The following SORL1 variants were observed in gnomAD, a reference collection of about 807,000 sequenced individuals.
The protein encoded by SORL1 is sortilin-related receptor.
Under a neutral mutation model 273.7 loss-of-function variants are expected in SORL1, and 127 were observed. The ratio of observed to expected loss-of-function variants is 0.46; its 90% CI spans 0.40 to 0.54. The LOEUF (loss-of-function observed/expected upper bound fraction) is 0.54. Ranked by LOEUF, SORL1 falls within the 20% of genes least tolerant of loss-of-function variation. The pLI is 0.00. For missense variants in SORL1, 2,494 were observed against 2,846.1 expected (o/e 0.88, Z 2.81); for synonymous variants, 1,031 against 1,067.4 (o/e 0.97, Z 0.66).
Position 121,620,987 on chromosome 11 carries a change from T to C in SORL1, c.5890-77T>C. ...GGGTCCCAGCTATTAATATACTACA[T>C]TGTCCACCATTGAACTACAAAGAGT... On this transcript the variant is annotated intron_variant, in intron 43 of 47. Transcript: ENST00000260197. 4.7e-6 allele frequency: 5 copies of C among 1,057,846 alleles called. No homozygotes were observed. The Admixed American group carries it at 8.6e-5, about 18-fold the overall frequency. 65.5% of individuals were successfully genotyped at this position (1,057,846 alleles called of 1,614,324 possible). A position where few individuals can be genotyped will look rare whatever the true frequency, so the allele number is the denominator to read the frequency against.
chr11:121,628,354 C>G (rs542261709), intron 47 of SORL1, among the ~76,000 whole-genome samples: 1 of 152,266 alleles, frequency 6.6e-6, no homozygotes, highest in South Asian at 2.1e-4. Flanking sequence ...TGAGACTGTT[C>G]CACCTCAGAT....
chr11:121,629,741 A>G lies in SORL1; in HGVS notation c.*178A>G, dbSNP rs1188165489. ...GAATGAATAAACTTTGTAGTAATCA[A>G]CTGTGAACTTCAAACCAGGTTGATT... is the stretch of plus-strand genomic sequence containing the variant. On this transcript the variant is annotated 3_prime_UTR_variant, in exon 48 of 48. Transcript: ENST00000260197. The G allele has an allele frequency of 1.4e-5, 8 of 580,334 alleles. No individual in the cohort carries two copies. The highest frequency in any genetic ancestry group is 2.1e-5 in the Non-Finnish European group (7 of 329,198). The allele number at this position is 580,334 out of a possible 1,614,324, so 35.9% of individuals were successfully genotyped here.
At chr11:121,588,920 C>G (rs1863164001) in intron 28 of SORL1, among the ~76,000 whole-genome samples, 1 of 152,150 alleles carries the variant, frequency 6.6e-6, no homozygotes, top group Non-Finnish European at 1.5e-5. Flanking sequence ...TAGATTCGGG[C>G]CACCCAGATC....
At chr11:121,562,187 G>T (rs917057553) in intron 21 of SORL1, among the ~76,000 whole-genome samples, 1 of 152,150 alleles carries the variant, frequency 6.6e-6, no homozygotes, top group Non-Finnish European at 1.5e-5. Context: ...CCTCCATCAA[G>T]CAAGGGCCTG....
In SORL1 at chr11:121,520,853, T is replaced by C. The variant is rs1342296562; in HGVS notation, c.1404+4T>C. ...TGGAGAGAAAATCAATTGTGAGGTA[T>C]TGATGCTTTAATCTTCTTTTGCTTT... On this transcript the variant is annotated splice_donor_region_variant and intron_variant, in intron 9 of 47. Transcript: ENST00000260197. 6.3e-7 allele frequency: 1 copy of C among 1,578,078 alleles called. No homozygotes were observed.
intron 1 of SORL1, among the ~76,000 whole-genome samples, chr11:121,462,032 C>T (rs547641064): frequency 6.6e-6 from 1 of 152,216 alleles, no homozygotes; most frequent in South Asian, 2.1e-4. Flanking sequence ...TATCTTGAAG[C>T]TTGAAAAGGT....
At position 121,629,954 on chromosome 11, in the gene SORL1, A is replaced by C. The variant is rs1326066560; in HGVS notation, c.*391A>C. The C allele has an allele frequency of 4.8e-6, 1 of 210,376 alleles. No homozygotes were observed. Among genetic ancestry groups the C allele is most frequent in the Non-Finnish European group, 9.7e-6 (1 of 103,112 alleles). 13.0% of individuals were successfully genotyped at this position (210,376 alleles called of 1,614,324 possible). On this transcript the variant is annotated 3_prime_UTR_variant, in exon 48 of 48. Transcript: ENST00000260197. Reference sequence around the variant, plus strand: ...GATGGGTGGAACCCCTTCTCCTTGAAAGTGTGTACAGATATTCCATTTTGT... The same window carrying C: ...GATGGGTGGAACCCCTTCTCCTTGACAGTGTGTACAGATATTCCATTTTGT...
chr11:121,611,044 G>T (rs759544807), intron 38 of SORL1, 32 bp from the exon 39 acceptor site: 13 of 1,481,800 alleles, frequency 8.8e-6, no homozygotes, highest in Non-Finnish European at 9.4e-6. Flanking sequence ...TCATCACGTG[G>T]CTTCTGTTTT....
intron 21 of SORL1, among the ~76,000 whole-genome samples, chr11:121,565,844 G>A (rs1268021534): frequency 6.6e-6 from 1 of 152,222 alleles, no homozygotes; most frequent in South Asian, 2.1e-4. Flanking sequence ...GAGTGCAGTG[G>A]TGGATTTTAC....
Position 121,519,821 on chromosome 11 carries a change from G to A in SORL1, c.1212-836G>A, listed in dbSNP as rs541644310. 3.3e-5 allele frequency among the ~76,000 whole-genome samples: 5 copies of A among 152,242 alleles called. No homozygotes were observed. In the South Asian group the frequency reaches 1.0e-3, roughly 32 times the overall value. On this transcript the variant is annotated intron_variant, in intron 8 of 47. Transcript: ENST00000260197. The stretch of plus-strand genomic sequence containing the variant: ...CACTGGAGGATTTGGAGTCAATTTC[G>A]TTAGTGATGTAATAGATGTGACTCT...
At chr11:121,605,647 T>A in intron 35 of SORL1, 76 bp downstream of exon 35, 3 of 1,219,446 alleles carry the variant, frequency 2.5e-6, no homozygotes, top group Non-Finnish European at 3.6e-6. Flanking sequence ...CTGAGTATTC[T>A]CAGGAATGTG....
intron 12 of SORL1, among the ~76,000 whole-genome samples, chr11:121,540,226 G>A (rs1591317905): frequency 6.6e-6 from 1 of 152,098 alleles, no homozygotes. Context: ...TCCTTTTAGA[G>A]TATCTGTGGT....
chr11:121,559,609 C>T lies in SORL1; in HGVS notation c.3001C>T (p.Leu1001Phe). ...CCAGATGGAGATTCTGGCAAACCAG[C>T]TCACGGGGCTCATGGACATGAAGAT... is the stretch of plus-strand genomic sequence containing the variant. ...GSQMEILANQLTGLMDMKIFY... is the reference protein window; with the variant it reads ...GSQMEILANQFTGLMDMKIFY... Residue 1001 changes from leucine (L) to phenylalanine (F), a missense_variant, in exon 21 of 48, where the codon CTC becomes TTC. Leu to Phe is a conservative substitution (Grantham distance 22). Coordinates refer to ENST00000260197, the MANE Select transcript of SORL1 (RefSeq NM_003105.6). The T allele has an allele frequency of 6.2e-7, 1 of 1,614,156 alleles. No individual in the cohort carries two copies. Among genetic ancestry groups the T allele is most frequent in the Non-Finnish European group, 8.5e-7 (1 of 1,180,006 alleles).
At chr11:121,623,095 C>T (rs1863746511) in intron 45 of SORL1, among the ~76,000 whole-genome samples, 1 of 152,184 alleles carries the variant, frequency 6.6e-6, no homozygotes, top group South Asian at 2.1e-4. Flanking sequence ...GGCTAATATC[C>T]TTAAATAGAA....
In SORL1 at chr11:121,629,764, A is replaced by T; in HGVS notation, c.*201A>T. On this transcript the variant is annotated 3_prime_UTR_variant, in exon 48 of 48. Coordinates refer to ENST00000260197, the MANE Select transcript of SORL1 (RefSeq NM_003105.6). Reference sequence around the variant, plus strand: ...CAACTGTGAACTTCAAACCAGGTTGATTTTAGTAACCCAATTGCTTTGATT... The same window carrying T: ...CAACTGTGAACTTCAAACCAGGTTGTTTTTAGTAACCCAATTGCTTTGATT... 1 of 563,960 alleles carries T rather than the reference A, an allele frequency of 1.8e-6. No homozygotes were observed. The highest frequency in any genetic ancestry group is 3.1e-6 in the Non-Finnish European group (1 of 319,892). The allele number at this position is 563,960 out of a possible 1,614,324, so 34.9% of individuals were successfully genotyped here.
At chr11:121,532,936 G>A (rs906455132) in intron 12 of SORL1, among the ~76,000 whole-genome samples, 3 of 151,846 alleles carry the variant, frequency 2.0e-5, no homozygotes, top group Non-Finnish European at 2.9e-5. Flanking sequence ...CACCTGCTTC[G>A]GCCTCCCAAA....
chr11:121,570,347 A>G (rs1862822585), intron 23 of SORL1, 77 bp downstream of exon 23: 2 of 1,102,226 alleles, frequency 1.8e-6, no homozygotes, highest in African/African-American at 1.5e-5. Flanking sequence ...CTGAGGGCCT[A>G]AGGTCTAGGG....
At chr11:121,516,850 G>A (rs549065696) in intron 8 of SORL1, among the ~76,000 whole-genome samples, 3 of 152,052 alleles carry the variant, frequency 2.0e-5, no homozygotes, top group East Asian at 1.9e-4. Flanking sequence ...TTAGGAGATC[G>A]AGACCATCTT....
chr11:121,477,033 C>T (rs1423609091), intron 2 of SORL1, among the ~76,000 whole-genome samples: 2 of 152,096 alleles, frequency 1.3e-5, no homozygotes, highest in East Asian at 3.9e-4. Flanking sequence ...CTCAAGCCAT[C>T]CTCTCACCTC....
Sources: gnomAD v4.1 joint callset for allele counts (sites outside exome capture counted in the v4.1 genomes callset) on GRCh38, gnomAD v4.1.1 for gene constraint, MANE v1.5 for transcripts, NCBI Gene and HGNC (gene_info 2026-07-23, HGNC 2026-07-21) for gene names.